Variants in GALNT9 observed in about 807,000 individuals in gnomAD.
GALNT9 encodes GalNAc transferase 9.
GALNT9 carries 47 observed loss-of-function variants against 63.1 expected under a neutral mutation model. That is an observed-to-expected ratio of 0.75 (90% CI 0.59 to 0.95). The LOEUF is 0.95. GALNT9 is among the 40% of genes least tolerant of loss of function. The pLI, the probability that GALNT9 is intolerant of heterozygous loss-of-function variation, is 0.00. For missense variants in GALNT9, 829 were observed against 874.8 expected (o/e 0.95, Z 0.66); for synonymous variants, 396 against 365.7 (o/e 1.08, Z -0.94).
intron 6 of GALNT9, among the ~76,000 whole-genome samples, chr12:132,222,738 G>A (rs1463577000): frequency 6.6e-6 from 1 of 151,814 alleles, no homozygotes; most frequent in Middle Eastern, 3.2e-3. Context: ...CCTGAGTGCT[G>A]CAAGACCTGG....
At chr12:132,220,217 C>T (rs917081393) in intron 6 of GALNT9, among the ~76,000 whole-genome samples, 2 of 152,150 alleles carry the variant, frequency 1.3e-5, no homozygotes, top group African/African-American at 4.8e-5. Context: ...GATGACTGTA[C>T]CACAATACTC....
In GALNT9 at chr12:132,201,254, C is replaced by A; in HGVS notation, c.1271G>T (p.Gly424Val). The A allele has an allele frequency of 6.2e-7, 1 of 1,612,648 alleles. No homozygotes were observed. The highest frequency in any genetic ancestry group is 8.5e-7 in the Non-Finnish European group (1 of 1,178,932). Reference sequence around the variant, plus strand: ...CTCAGACACGTCCCCGAAGTCCACCCCTGGGTTCTGCAAGGCCAGAAGTAG... The same window carrying A: ...CTCAGACACGTCCCCGAAGTCCACCACTGGGTTCTGCAAGGCCAGAAGTAG... ...MAWNIPMSNP[G>V]VDFGDVSERL... Residue 424 changes from glycine to valine, a missense_variant, in exon 8 of 11, where the codon GGG becomes GTG. By Grantham distance (109) the Gly-to-Val change is moderately radical (BLOSUM62 -3). Coordinates refer to ENST00000328957, the MANE Select transcript of GALNT9 (RefSeq NM_001122636.2).
chr12:132,245,979 C>T lies in GALNT9; in HGVS notation c.1077+1931G>A, dbSNP rs1878693866. 1.3e-5 allele frequency among the ~76,000 whole-genome samples: 2 copies of T among 152,358 alleles called. No homozygotes were observed. The highest frequency in any genetic ancestry group is 1.9e-4 in the East Asian group (1 of 5,174). ...GCTGCGCACTGCCGGTCCCCGGCACCCTCCCCAGGCTGTCCTCCTCGTCTC... is the reference window on the plus strand; with the variant it reads ...GCTGCGCACTGCCGGTCCCCGGCACTCTCCCCAGGCTGTCCTCCTCGTCTC... On this transcript the variant is annotated intron_variant, in intron 6 of 10. Transcript: ENST00000328957. This position sits in a 1 kb window ranked among gnomAD's most constrained non-coding sequence, Gnocchi z 6.3.
At chr12:132,207,393 C>T (rs1876760035) in intron 6 of GALNT9, among the ~76,000 whole-genome samples, 1 of 152,238 alleles carries the variant, frequency 6.6e-6, no homozygotes, top group Non-Finnish European at 1.5e-5. Context: ...CCACTTACGG[C>T]CACTCTGTCC....
chr12:132,271,720 GT>G (rs1263064243), intron 2 of GALNT9, among the ~76,000 whole-genome samples: 1 of 152,172 alleles, frequency 6.6e-6, no homozygotes, highest in East Asian at 1.9e-4. Flanking sequence ...GCTGTTTCAG[GT>G]TCAGGCTTGG....
chr12:132,293,806 T>G (rs1173601682), intron 1 of GALNT9, among the ~76,000 whole-genome samples: 3 of 151,780 alleles, frequency 2.0e-5, no homozygotes, highest in Non-Finnish European at 4.4e-5. Context: ...GGGTCCCGTA[T>G]ACAGTCAGGG....
chr12:132,210,144 A>G (rs184240397), intron 6 of GALNT9, among the ~76,000 whole-genome samples: 7 of 152,150 alleles, frequency 4.6e-5, no homozygotes, highest in African/African-American at 1.7e-4. Context: ...TCCTCCAGAG[A>G]TGGGTGGGTC....
intron 1 of GALNT9, among the ~76,000 whole-genome samples, chr12:132,305,580 C>T (rs1294893504): frequency 1.1e-4 from 17 of 149,976 alleles, no homozygotes; most frequent in African/African-American, 3.2e-4. Flanking sequence ...CACCCAGACA[C>T]GCCCTCACCC....
chr12:132,302,604 A>C (rs1555243936), intron 1 of GALNT9, among the ~76,000 whole-genome samples: 1 of 152,212 alleles, frequency 6.6e-6, no homozygotes, highest in African/African-American at 2.4e-5. Context: ...CGCAGCACAC[A>C]CCTGCCTGCC....
intron 6 of GALNT9, among the ~76,000 whole-genome samples, chr12:132,243,292 GGGC>G (rs1878526997): frequency 1.5e-5 from 2 of 134,842 alleles, no homozygotes; most frequent in Non-Finnish European, 3.1e-5. Context: ...ACACTTCCCG[GGGC>G]CCTCCCTATA....
At chr12:132,199,740 G>C (rs779919816) in intron 8 of GALNT9, among the ~76,000 whole-genome samples, 1 of 152,240 alleles carries the variant, frequency 6.6e-6, no homozygotes, top group Non-Finnish European at 1.5e-5. Flanking sequence ...GACTGCTGGG[G>C]GATGTGTTGT....
chr12:132,326,384 A>G (rs1445562201), intron 1 of GALNT9, among the ~76,000 whole-genome samples: 3 of 152,258 alleles, frequency 2.0e-5, no homozygotes, highest in Non-Finnish European at 2.9e-5. Flanking sequence ...AGGAGTGACT[A>G]CACAGAGCTT....
chr12:132,260,822 G>T (rs1379115860), intron 4 of GALNT9, 126 bp downstream of exon 4: 12 of 1,315,802 alleles, frequency 9.1e-6, no homozygotes, highest in Non-Finnish European at 1.1e-5. Context: ...GATCCTGAAG[G>T]CTACGGCGAG....
chr12:132,247,667 G>A lies in GALNT9; in HGVS notation c.1077+243C>T, dbSNP rs28562226. 5.6e-5 allele frequency: 23 copies of A among 411,722 alleles called. 1 individual carries two copies. Among genetic ancestry groups the A allele is most frequent in the South Asian group, 2.1e-4 (7 of 33,648 alleles). The allele number at this position is 411,722 out of a possible 1,614,324, so 25.5% of individuals were successfully genotyped here. A position where few individuals can be genotyped will look rare whatever the true frequency, so the allele number is the denominator to read the frequency against. ...CCATGGCCGCACTCGCCCTCACCCC[G>A]TCCCCGGATGCCGTGGCCGCACTCG... On this transcript the variant is annotated intron_variant, in intron 6 of 10. Transcript: ENST00000328957.
At position 132,282,425 on chromosome 12, in the gene GALNT9, G is replaced by GTA; in HGVS notation, c.419+3824_419+3825insTA. Among the ~76,000 whole-genome samples, 1 of 151,862 alleles carries GTA rather than the reference G, an allele frequency of 6.6e-6. No homozygotes were observed. The highest frequency in any genetic ancestry group is 2.4e-5 in the African/African-American group (1 of 41,504). On this transcript the variant is annotated intron_variant, in intron 2 of 10. Transcript: ENST00000328957. This position sits in a 1 kb window ranked among gnomAD's most constrained non-coding sequence, Gnocchi z 4.5. Reference sequence around the variant, plus strand: ...TGCGCGTGTGTGCGTGTGTGTGCGTGTGTGCGTGCATGCGTGTGTGTGCGT... The same window carrying GTA: ...TGCGCGTGTGTGCGTGTGTGTGCGTGTATGTGCGTGCATGCGTGTGTGTGCGT...
At chr12:132,287,086 C>A (rs1156808735) in intron 1 of GALNT9, among the ~76,000 whole-genome samples, 1 of 142,726 alleles carries the variant, frequency 7.0e-6, no homozygotes, top group Admixed American at 7.1e-5. Flanking sequence ...TGAGCCACAG[C>A]CCTCAGTGAG....
intron 1 of GALNT9, among the ~76,000 whole-genome samples, chr12:132,318,283 G>A (rs1248247732): frequency 6.6e-6 from 1 of 152,254 alleles, no homozygotes; most frequent in Non-Finnish European, 1.5e-5. Flanking sequence ...GCAGGACGCT[G>A]ACCAAGAACG....
chr12:132,289,809 C>T (rs1880739977), intron 1 of GALNT9, among the ~76,000 whole-genome samples: 1 of 152,236 alleles, frequency 6.6e-6, no homozygotes, highest in Non-Finnish European at 1.5e-5. Context: ...GACGCTGCTG[C>T]CCACTGAGCT....
intron 2 of GALNT9, among the ~76,000 whole-genome samples, chr12:132,266,780 TC>T (rs1302423402): frequency 5.9e-5 from 9 of 152,200 alleles, no homozygotes; most frequent in African/African-American, 1.9e-4. Flanking sequence ...GGACCTCCCC[TC>T]CTGCAAGGTG....
Sources: allele counts gnomAD v4.1 joint callset (sites outside exome capture counted in the v4.1 genomes callset), GRCh38; gene constraint gnomAD v4.1.1; non-coding constraint Gnocchi (gnomAD v3.1); transcripts MANE v1.5; gene names NCBI Gene and HGNC (gene_info 2026-07-23, HGNC 2026-07-21).